The following GLYR1 variants were observed in gnomAD, a reference collection of about 807,000 sequenced individuals.
The protein encoded by GLYR1 is cytokine-like nuclear factor N-PAC.
A neutral mutation model predicts 72.7 loss-of-function variants in GLYR1; 21 were observed. The ratio of observed to expected loss-of-function variants is 0.29; its 90% confidence interval spans 0.20 to 0.42. GLYR1 has a LOEUF of 0.42. Among genes scored for constraint, GLYR1 ranks in the 10% least tolerant of loss-of-function variants. GLYR1 has a pLI of 1.00. For synonymous variants in GLYR1, 392 were observed against 270.2 expected (o/e 1.45, Z -4.42); for missense variants, 594 against 712.1 (o/e 0.83, Z 1.89).
At chr16:4,814,462 G>C in intron 11 of GLYR1, 75 bp downstream of exon 11, 2 of 1,065,496 alleles carry the variant, frequency 1.9e-6, no homozygotes, top group South Asian at 1.3e-5. Context: ...TGGTGTGCAG[G>C]GGAGGAGGGG....
chr16:4,834,075 AAT>A (rs899591816), intron 3 of GLYR1, among the ~76,000 whole-genome samples: 3 of 152,216 alleles, frequency 2.0e-5, no homozygotes, highest in Admixed American at 2.0e-4. Context: ...ACATAAAAAT[AAT>A]GTTACTAACC....
Position 4,823,883 on chromosome 16 carries a change from T to A in GLYR1, c.562A>T (p.Thr188Ser). 1 of 1,614,022 alleles carries A rather than the reference T, an allele frequency of 6.2e-7. No homozygotes were observed. Among genetic ancestry groups the A allele is most frequent in the East Asian group, 2.2e-5 (1 of 44,868 alleles). ...GGTCCGGCCATCATCCCCTTCACGGTACTAGACTCCGGGATGGTGAGATCC... is the reference window on the plus strand; with the variant it reads ...GGTCCGGCCATCATCCCCTTCACGGAACTAGACTCCGGGATGGTGAGATCC... ...EKDLTIPESSTVKGMMAGPMA... is the reference protein window; with the variant it reads ...EKDLTIPESSSVKGMMAGPMA... Residue 188 changes from threonine (T) to serine (S), a missense_variant, in exon 6 of 16, where the codon ACC (threonine) becomes TCC (serine). Physicochemically the swap from Thr to Ser is moderately conservative, Grantham distance 58 (BLOSUM62 1). Around this residue, in one of 5 missense-constraint regions of GLYR1, gnomAD observed 252 missense variants for 211.3 expected, o/e 1.19. Coordinates refer to ENST00000321919, the MANE Select transcript of GLYR1 (RefSeq NM_032569.4).
At chr16:4,814,720 G>A in intron 10 of GLYR1, 73 bp from the exon 11 acceptor site, 2 of 1,210,602 alleles carry the variant, frequency 1.7e-6, no homozygotes, top group Non-Finnish European at 1.2e-6. Context: ...CCAGAGAATT[G>A]CTGACCAGGC....
chr16:4,814,456 G>A lies in GLYR1; in HGVS notation c.1017+81C>T, dbSNP rs62036092. The stretch of plus-strand genomic sequence containing the variant: ...CCCCACATGTGGACACTCACTTGGT[G>A]TGCAGGGGAGGAGGGGAAGAGGCCA... On this transcript the variant is annotated intron_variant, in intron 11 of 15. Coordinates refer to ENST00000321919, the MANE Select transcript of GLYR1 (RefSeq NM_032569.4). The A allele has an allele frequency of 7.3e-3, 7,409 of 1,010,854 alleles. 37 individuals are homozygous for A. The highest frequency in any genetic ancestry group is 9.6e-3 in the Non-Finnish European group (6,066 of 633,312). 62.6% of individuals were successfully genotyped at this position (1,010,854 alleles called of 1,614,324 possible).
intron 10 of GLYR1, among the ~76,000 whole-genome samples, chr16:4,816,947 ATTT>A (rs35180458): frequency 2.9e-5 from 4 of 139,180 alleles, no homozygotes; most frequent in Non-Finnish European, 4.7e-5. Context: ...AGATTGTGCC[ATTT>A]TTTTTTTTTT....
At chr16:4,805,566 T>A (rs1425163295) in intron 15 of GLYR1, among the ~76,000 whole-genome samples, 2 of 152,240 alleles carry the variant, frequency 1.3e-5, no homozygotes, top group Non-Finnish European at 2.9e-5. Flanking sequence ...ATATAAAACA[T>A]TCAGCATTGG....
chr16:4,842,709 T>G (rs2085653912), intron 3 of GLYR1, among the ~76,000 whole-genome samples: 1 of 151,078 alleles, frequency 6.6e-6, no homozygotes, highest in South Asian at 2.1e-4. Context: ...TAATCTTTAT[T>G]TATTTTTTGA....
chr16:4,840,503 C>T (rs915487535), intron 3 of GLYR1, among the ~76,000 whole-genome samples: 2 of 151,862 alleles, frequency 1.3e-5, no homozygotes, highest in Admixed American at 1.3e-4. Flanking sequence ...TAGGAACTTC[C>T]AACTCTCATA....
At chr16:4,846,057 T>A in intron 2 of GLYR1, 117 bp downstream of exon 2, 1 of 1,084,928 alleles carries the variant, frequency 9.2e-7, no homozygotes, top group African/African-American at 1.6e-5. Flanking sequence ...AAATTCTAAG[T>A]GCCATCTGAA....
chr16:4,846,123 A>C, intron 2 of GLYR1, 51 bp downstream of exon 2: 2 of 1,589,972 alleles, frequency 1.3e-6, no homozygotes, highest in Non-Finnish European at 1.7e-6. Flanking sequence ...TACATTCTCC[A>C]CCTCTTCAAA....
At chr16:4,824,609 T>G (rs1343021286) in intron 5 of GLYR1, among the ~76,000 whole-genome samples, 1 of 152,014 alleles carries the variant, frequency 6.6e-6, no homozygotes, top group African/African-American at 2.4e-5. Context: ...CTGCCCACAT[T>G]TTACAGCTAT....
chr16:4,832,526 C>A, intron 4 of GLYR1: 1 of 576,598 alleles, frequency 1.7e-6, no homozygotes, highest in African/African-American at 1.9e-5. Context: ...CTGTGCTAGA[C>A]TCAAATGCTG....
chr16:4,833,637 A>G lies in GLYR1; in HGVS notation c.156-725T>C, dbSNP rs142622511. 5.7e-3 allele frequency among the ~76,000 whole-genome samples: 811 copies of G among 143,002 alleles called. 8 individuals are homozygous for G. Among genetic ancestry groups the G allele is most frequent in the African/African-American group, 0.021 (774 of 37,480 alleles). 93.8% of individuals were successfully genotyped at this position (143,002 alleles called of 152,430 possible). A position where few individuals can be genotyped will look rare whatever the true frequency, so the allele number is the denominator to read the frequency against. On this transcript the variant is annotated intron_variant, in intron 3 of 15. Coordinates refer to ENST00000321919, the MANE Select transcript of GLYR1 (RefSeq NM_032569.4). ...AAACAAGATGGCATGCTGTTTTATG[A>G]TGTCTCAAAAAAAAAAAAAAATAGA...
intron 12 of GLYR1, among the ~76,000 whole-genome samples, chr16:4,813,476 G>A (rs752100649): frequency 4.1e-4 from 62 of 152,280 alleles, no homozygotes; most frequent in African/African-American, 1.3e-3. Flanking sequence ...CCAGGCGGGC[G>A]GCCTGGGTTG....
At chr16:4,817,722 T>C (rs1653468721) in intron 9 of GLYR1, 25 bp from the exon 10 acceptor site, 2 of 1,434,100 alleles carry the variant, frequency 1.4e-6, no homozygotes, top group Non-Finnish European at 2.0e-6. Context: ...GACTGATGAG[T>C]TCAGGGTGGA....
chr16:4,845,178 G>C lies in GLYR1; in HGVS notation c.76-25C>G, dbSNP rs542928898. 4.4e-6 allele frequency: 7 copies of C among 1,587,302 alleles called. No individual in the cohort carries two copies. The South Asian group carries it at 4.4e-5, about 10-fold the overall frequency. On this transcript the variant is annotated intron_variant, in intron 2 of 15. Coordinates refer to ENST00000321919, the MANE Select transcript of GLYR1 (RefSeq NM_032569.4). Reference sequence around the variant, plus strand: ...TCTGGAGGATAAAAGGGGGGAAAAAGGTTGGCTGGCAACACAGCAGCCCAC... The same window carrying C: ...TCTGGAGGATAAAAGGGGGGAAAAACGTTGGCTGGCAACACAGCAGCCCAC...
intron 10 of GLYR1, among the ~76,000 whole-genome samples, chr16:4,815,749 C>T (rs1332254981): frequency 6.6e-6 from 1 of 152,076 alleles, no homozygotes; most frequent in Non-Finnish European, 1.5e-5. Flanking sequence ...AAAATTCTTC[C>T]TACCTGATCA....
intron 10 of GLYR1, among the ~76,000 whole-genome samples, chr16:4,815,056 C>T (rs1277210679): frequency 1.3e-5 from 2 of 152,100 alleles, no homozygotes; most frequent in Non-Finnish European, 2.9e-5. Flanking sequence ...TGTTTCTCAA[C>T]ACTGTTGTCA....
chr16:4,832,674 G>C, intron 4 of GLYR1, 100 bp downstream of exon 4: 1 of 1,346,234 alleles, frequency 7.4e-7, no homozygotes, highest in Non-Finnish European at 1.0e-6. Context: ...TAGCATTTCA[G>C]AAGAACAAAG....
Sources: gnomAD v4.1 joint callset for allele counts (sites outside exome capture counted in the v4.1 genomes callset) on GRCh38, gnomAD v4.1.1 for gene constraint, gnomAD v4.1.1 regional missense constraint, MANE v1.5 for transcripts, NCBI Gene and HGNC (gene_info 2026-07-23, HGNC 2026-07-21) for gene names.